HDAC9: variants seen among roughly 807,000 people sequenced by gnomAD.
The protein encoded by HDAC9 is MEF-2 interacting transcription repressor (MITR) protein.
A neutral mutation model predicts 139.4 loss-of-function variants in HDAC9; 41 were observed. That is an observed-to-expected ratio of 0.29 (90% CI 0.23 to 0.38). The LOEUF is 0.38. HDAC9 is among the 10% of genes least tolerant of loss of function. HDAC9 has a pLI of 1.00. For missense variants in HDAC9, 1,147 were observed against 1,297.0 expected, an observed-to-expected ratio of 0.88 and a Z score of 1.78; for synonymous variants, 517 against 476.2, an observed-to-expected ratio of 1.09 and a Z score of -1.12.
chr7:18,376,954 T>C (rs1191891320), intron 1 of HDAC9, among the ~76,000 whole-genome samples: 1 of 152,060 alleles, frequency 6.6e-6, no homozygotes, highest in East Asian at 1.9e-4. Context: ...GATGAAGACA[T>C]TAATGGTTTT....
chr7:18,456,883 C>T (rs1793399480), intron 1 of HDAC9, among the ~76,000 whole-genome samples: 1 of 152,160 alleles, frequency 6.6e-6, no homozygotes, highest in Non-Finnish European at 1.5e-5. Context: ...ATTCAAATAG[C>T]TGCAGGGTAT....
chr7:18,759,501 C>T (rs1789184983), intron 14 of HDAC9, among the ~76,000 whole-genome samples: 1 of 151,882 alleles, frequency 6.6e-6, no homozygotes, highest in South Asian at 2.1e-4. Flanking sequence ...CCAGAGGGGA[C>T]CATCTAGTTG....
Position 18,718,683 on chromosome 7 carries a change from A to C in HDAC9, c.1732-8897A>C, listed in dbSNP as rs575900947. Among the ~76,000 whole-genome samples, 4 of 152,256 alleles carry C rather than the reference A, an allele frequency of 2.6e-5. No individual in the cohort carries two copies. In the South Asian group the frequency reaches 8.3e-4, roughly 32 times the overall value. On this transcript the variant is annotated intron_variant, in intron 12 of 25. Coordinates refer to ENST00000686413, the MANE Select transcript of HDAC9 (RefSeq NM_178425.4). ...TTTATCCATTTATCAATTGGTGGAC[A>C]TTTGGATTGTTTGTACTTTGGGCTT...
At chr7:18,456,296 G>C (rs911638184) in intron 1 of HDAC9, among the ~76,000 whole-genome samples, 14 of 152,072 alleles carry the variant, frequency 9.2e-5, no homozygotes, top group African/African-American at 3.1e-4. Context: ...GAGTGCAGCA[G>C]TGTGATCTCC....
chr7:18,933,904 T>C (rs1781435963), intron 22 of HDAC9, among the ~76,000 whole-genome samples: 1 of 152,110 alleles, frequency 6.6e-6, no homozygotes, highest in South Asian at 2.1e-4. Flanking sequence ...AGATGTGATG[T>C]AGCAGATTAG....
At chr7:18,588,101 A>G (rs1487276018) in intron 3 of HDAC9, among the ~76,000 whole-genome samples, 1 of 152,212 alleles carries the variant, frequency 6.6e-6, no homozygotes, top group Non-Finnish European at 1.5e-5. Flanking sequence ...GTAACCAGAA[A>G]TGCTTCTAAC....
At chr7:18,991,546 A>C (rs1312060502) in intron 25 of HDAC9, among the ~76,000 whole-genome samples, 2 of 152,056 alleles carry the variant, frequency 1.3e-5, no homozygotes, top group East Asian at 3.9e-4. Context: ...CTGAAGCAGG[A>C]GAATGGTGTT....
intron 13 of HDAC9, among the ~76,000 whole-genome samples, chr7:18,732,574 C>CGCGT (rs137922927): frequency 3.2e-3 from 316 of 98,168 alleles, no homozygotes; most frequent in African/African-American, 0.014. Context: ...TATATATGTG[C>CGCGT]ATGTGTATAT....
At chr7:18,963,649 CAG>C (rs1330141853) in intron 24 of HDAC9, among the ~76,000 whole-genome samples, 3 of 152,094 alleles carry the variant, frequency 2.0e-5, no homozygotes, top group Admixed American at 6.6e-5. Flanking sequence ...AAAACAATAA[CAG>C]AGTTTTCTTT....
At chr7:18,805,823 T>G (rs1793659022) in intron 17 of HDAC9, among the ~76,000 whole-genome samples, 1 of 152,202 alleles carries the variant, frequency 6.6e-6, no homozygotes. Context: ...AATCCAGTCT[T>G]TATGATTTTT....
chr7:18,190,844 A>T (rs924859957), intron 2 of HDAC9, among the ~76,000 whole-genome samples: 1 of 152,160 alleles, frequency 6.6e-6, no homozygotes, highest in Non-Finnish European at 1.5e-5. Flanking sequence ...CCTTTTAAAT[A>T]TTTAAATATT....
At chr7:18,565,594 G>C (rs1014457145) in intron 2 of HDAC9, among the ~76,000 whole-genome samples, 1 of 151,922 alleles carries the variant, frequency 6.6e-6, no homozygotes, top group African/African-American at 2.4e-5. Context: ...TTTAGCTGTT[G>C]AACAGGACTA....
chr7:18,724,145 C>A (rs1457639790), intron 12 of HDAC9, among the ~76,000 whole-genome samples: 1 of 152,126 alleles, frequency 6.6e-6, no homozygotes, highest in African/African-American at 2.4e-5. Flanking sequence ...CTTTCTTAAA[C>A]AAAATTTCCC....
chr7:18,437,845 T>G (rs1299056934), intron 1 of HDAC9, among the ~76,000 whole-genome samples: 1 of 151,226 alleles, frequency 6.6e-6, no homozygotes, highest in East Asian at 1.9e-4. Flanking sequence ...ATTATAGAAT[T>G]AAAAATTATT....
chr7:18,146,498 C>CAT (rs1249784823), intron 1 of HDAC9, among the ~76,000 whole-genome samples: 2 of 152,066 alleles, frequency 1.3e-5, no homozygotes, highest in Non-Finnish European at 2.9e-5. Context: ...ATTTTGGCAG[C>CAT]ATAGGTATTA....
chr7:18,930,282 C>T (rs1377273397), intron 22 of HDAC9, among the ~76,000 whole-genome samples: 1 of 152,114 alleles, frequency 6.6e-6, no homozygotes, highest in Non-Finnish European at 1.5e-5. Context: ...AACACTCAAC[C>T]CCGCTTGAGG....
At chr7:18,717,792 A>G (rs1203246180) in intron 12 of HDAC9, among the ~76,000 whole-genome samples, 1 of 152,168 alleles carries the variant, frequency 6.6e-6, no homozygotes. Context: ...AAAAATATAT[A>G]TACAAACTAT....
intron 2 of HDAC9, among the ~76,000 whole-genome samples, chr7:18,526,776 C>G (rs1488697948): frequency 6.6e-6 from 1 of 152,076 alleles, no homozygotes; most frequent in African/African-American, 2.4e-5. Context: ...TAGATCTTAA[C>G]AGTATCCTGA....
At chr7:18,183,211 G>T (rs2697913) in intron 2 of HDAC9, among the ~76,000 whole-genome samples, 7 of 152,072 alleles carry the variant, frequency 4.6e-5, no homozygotes, top group African/African-American at 1.2e-4. Flanking sequence ...GGGTTTCACC[G>T]TGTTAGCCAG....
Sources: gnomAD v4.1 joint callset for allele counts (sites outside exome capture counted in the v4.1 genomes callset) on GRCh38, gnomAD v4.1.1 for gene constraint, MANE v1.5 for transcripts, NCBI Gene and HGNC (gene_info 2026-07-23, HGNC 2026-07-21) for gene names.